Variants in SSH2 observed in about 807,000 individuals in gnomAD.
The protein encoded by SSH2 is protein phosphatase Slingshot homolog 2.
SSH2 carries 37 observed loss-of-function variants against 135.2 expected under a neutral mutation model. The ratio of observed to expected loss-of-function variants is 0.27; its 90% CI spans 0.21 to 0.36. SSH2 has a LOEUF of 0.36. Among genes scored for constraint, SSH2 ranks in the 10% least tolerant of loss-of-function variants. SSH2 has a pLI of 1.00. For missense variants in SSH2, 1,408 were observed against 1,765.3 expected (o/e 0.80, Z 3.63); for synonymous variants, 628 against 646.2 (o/e 0.97, Z 0.43).
At chr17:29,817,672 G>A (rs1349991795) in intron 2 of SSH2, among the ~76,000 whole-genome samples, 3 of 152,190 alleles carry the variant, frequency 2.0e-5, no homozygotes, top group African/African-American at 7.2e-5. Context: ...CCCTCCTTCA[G>A]ATACCAAAGT....
At chr17:29,693,038 C>T (rs1019492112) in intron 5 of SSH2, among the ~76,000 whole-genome samples, 2 of 152,176 alleles carry the variant, frequency 1.3e-5, no homozygotes, top group African/African-American at 2.4e-5. Flanking sequence ...TGGCTCACTG[C>T]AGCCTTGACC....
At chr17:29,781,468 G>A (rs1001190057) in intron 3 of SSH2, among the ~76,000 whole-genome samples, 6 of 114,526 alleles carry the variant, frequency 5.2e-5, no homozygotes, top group African/African-American at 1.9e-4. Context: ...CTAATCCTGT[G>A]TTTTCTTTTT....
intron 2 of SSH2, among the ~76,000 whole-genome samples, chr17:29,816,534 T>A (rs1451167647): frequency 6.6e-6 from 1 of 152,126 alleles, no homozygotes; most frequent in Non-Finnish European, 1.5e-5. Context: ...AATTAAGACA[T>A]AAGCTAAATG....
At chr17:29,781,826 TTC>T (rs887458893) in intron 3 of SSH2, among the ~76,000 whole-genome samples, 1 of 151,378 alleles carries the variant, frequency 6.6e-6, no homozygotes, top group African/African-American at 2.4e-5. Flanking sequence ...TCTCCTCTTT[TTC>T]TCTCTCTCCT....
intron 2 of SSH2, among the ~76,000 whole-genome samples, chr17:29,814,790 A>C (rs921358840): frequency 6.6e-6 from 1 of 152,108 alleles, no homozygotes; most frequent in Non-Finnish European, 1.5e-5. Context: ...CTGGGGAAGA[A>C]GCAGGTTTCT....
At chr17:29,919,760 G>GT (rs200295358) in intron 1 of SSH2, among the ~76,000 whole-genome samples, 94 of 96,416 alleles carry the variant, frequency 9.7e-4, no homozygotes, top group East Asian at 1.2e-3. Flanking sequence ...ACAGCTAGGT[G>GT]TTTTTTTTTT....
At chr17:29,850,089 C>A (rs2065528088) in intron 1 of SSH2, among the ~76,000 whole-genome samples, 1 of 149,302 alleles carries the variant, frequency 6.7e-6, no homozygotes, top group Non-Finnish European at 1.5e-5. Flanking sequence ...CCCCAACAGG[C>A]ACCAGAAAAC....
intron 4 of SSH2, among the ~76,000 whole-genome samples, chr17:29,701,389 G>A (rs1461826301): frequency 1.2e-4 from 18 of 149,978 alleles, no homozygotes; most frequent in Admixed American, 1.1e-3. Flanking sequence ...TCATAGGCGC[G>A]AGCCGTGCCT....
At chr17:29,889,408 T>A (rs1305364338) in intron 1 of SSH2, among the ~76,000 whole-genome samples, 1 of 152,106 alleles carries the variant, frequency 6.6e-6, no homozygotes, top group African/African-American at 2.4e-5. Context: ...ATTGCGCCAC[T>A]GCACTCCGGC....
At chr17:29,841,892 A>T (rs1204723573) in intron 2 of SSH2, among the ~76,000 whole-genome samples, 7 of 99,632 alleles carry the variant, frequency 7.0e-5, no homozygotes, top group African/African-American at 1.6e-4. Context: ...CCCTTGGCTA[A>T]TTTTTTTTTT....
rs768216830 is a variant in SSH2, at chr17:29,632,080, G to A, written c.3114C>T (p.Ile1038=). Residue 1038 remains isoleucine (I), a synonymous_variant, in exon 16 of 16, where the codon ATC becomes ATT. Transcript: ENST00000540801. ...ATGTAACTATGTGGGTATATTCAAT[G>A]ATTTCTACCCTCTTGGGAAGGGGAA... is the stretch of plus-strand genomic sequence containing the variant. The part of the protein sequence containing the change: ...VPLPLPKRVE[I]IEYTHIVTSP... 5 of 1,614,094 alleles carry A rather than the reference G, an allele frequency of 3.1e-6. No homozygotes were observed. The Admixed American group carries it at 8.3e-5, about 27-fold the overall frequency.
rs754601775 is a variant in SSH2, at chr17:29,695,570, T to A, written c.293-47A>T. On this transcript the variant is annotated intron_variant, in intron 4 of 15. Transcript: ENST00000540801. ...AGGATAATTATTCTCCATTCTAATG[T>A]TGACAGAGAGGATTCCTTCTACTTT... The A allele has an allele frequency of 9.1e-6, 14 of 1,530,526 alleles. No homozygotes were observed. In the Admixed American group the frequency reaches 1.4e-4, roughly 16 times the overall value. The allele number at this position is 1,530,526 out of a possible 1,614,324, so 94.8% of individuals were successfully genotyped here.
intron 1 of SSH2, among the ~76,000 whole-genome samples, chr17:29,877,367 G>C (rs963924461): frequency 1.3e-5 from 2 of 152,146 alleles, no homozygotes; most frequent in Non-Finnish European, 2.9e-5. Context: ...CAATCCCACT[G>C]CTCAGTATAT....
At chr17:29,852,271 T>C (rs2065576237) in intron 1 of SSH2, among the ~76,000 whole-genome samples, 1 of 151,148 alleles carries the variant, frequency 6.6e-6, no homozygotes. Flanking sequence ...TGACACTCTG[T>C]CTCAAAGAAA....
chr17:29,674,179 A>G (rs1449647977), intron 8 of SSH2: 1 of 456,542 alleles, frequency 2.2e-6, no homozygotes, highest in Admixed American at 2.4e-5. Context: ...GTAAATTAAG[A>G]AAACAAATTT....
intron 8 of SSH2, 106 bp downstream of exon 8, chr17:29,676,714 T>C (rs889410682): frequency 1.4e-5 from 13 of 913,390 alleles, no homozygotes; most frequent in Non-Finnish European, 2.1e-5. Context: ...TACAAACAGA[T>C]CATTTAGCAT....
chr17:29,779,810 C>CAAAAAAAAAAAAAAAAAA (rs56789691), intron 3 of SSH2, among the ~76,000 whole-genome samples: 2 of 19,608 alleles, frequency 1.0e-4, no homozygotes, highest in Non-Finnish European at 1.7e-4. Context: ...GACTCTGTCT[C>CAAAAAAAAAAAAAAAAAA]AAAAAAAAAA....
chr17:29,847,875 C>T (rs960850024), intron 2 of SSH2, among the ~76,000 whole-genome samples: 3 of 152,162 alleles, frequency 2.0e-5, no homozygotes, highest in East Asian at 1.9e-4. Flanking sequence ...AATAACCCAC[C>T]CCTCAATTTG....
Position 29,672,038 on chromosome 17 carries a change from A to T in SSH2, c.706T>A (p.Tyr236Asn). The change falls in exon 9 of 16, where the codon TAT becomes AAT. Residue 236 changes from tyrosine to asparagine, a missense_variant. By Grantham distance (143) the Tyr-to-Asn change is moderately radical. Around this residue, in one of 3 missense-constraint regions of SSH2, gnomAD observed 222 missense variants for 355.6 expected, o/e 0.62. Coordinates refer to ENST00000540801, the MANE Select transcript of SSH2 (RefSeq NM_001282129.2). ...GSLFLTWVSY[Y>N]ESHINSDQSS... ...TGATCTGAGTTGATATGGCTCTCAT[A>T]ATAACTCACCCAAGTGAGAAATAGG... is the stretch of plus-strand genomic sequence containing the variant. 1 of 1,614,162 alleles carries T rather than the reference A, an allele frequency of 6.2e-7. No homozygotes were observed. Among genetic ancestry groups the T allele is most frequent in the Non-Finnish European group, 8.5e-7 (1 of 1,180,002 alleles).
Sources: allele counts gnomAD v4.1 joint callset (sites outside exome capture counted in the v4.1 genomes callset), GRCh38; gene constraint gnomAD v4.1.1; regional missense constraint gnomAD v4.1.1; transcripts MANE v1.5; gene names NCBI Gene and HGNC (gene_info 2026-07-23, HGNC 2026-07-21).